Variants in SLC14A2 observed in about 807,000 individuals in gnomAD.
SLC14A2 encodes the protein urea transporter 2.
Under a neutral mutation model 104.6 loss-of-function variants are expected in SLC14A2, and 91 were observed. The ratio of observed to expected loss-of-function variants is 0.87; its 90% confidence interval spans 0.73 to 1.04. SLC14A2 has a LOEUF of 1.04. Among genes scored for constraint, SLC14A2 ranks in the 50% least tolerant of loss-of-function variants. The pLI is 0.00. For synonymous variants in SLC14A2, 476 were observed against 466.4 expected (o/e 1.02, Z -0.27); for missense variants, 1,189 against 1,156.0 (o/e 1.03, Z -0.41).
intron 2 of SLC14A2, among the ~76,000 whole-genome samples, chr18:45,605,441 G>C (rs929896878): frequency 2.6e-5 from 4 of 151,994 alleles, no homozygotes; most frequent in African/African-American, 9.7e-5. Flanking sequence ...GTTCTGCCAG[G>C]ACTTTTGACC....
intron 1 of SLC14A2, among the ~76,000 whole-genome samples, chr18:45,243,865 G>A (rs1184656454): frequency 1.3e-5 from 2 of 152,156 alleles, no homozygotes; most frequent in Admixed American, 6.5e-5. Flanking sequence ...GAAGCCTTCC[G>A]GTTTGGTTTT....
chr18:45,408,214 G>T (rs530740741), intron 1 of SLC14A2, among the ~76,000 whole-genome samples: 1 of 152,192 alleles, frequency 6.6e-6, no homozygotes, highest in African/African-American at 2.4e-5. Context: ...AATCAAGCTG[G>T]CATATGTTTT....
At chr18:45,638,083 G>A (rs185299726) in intron 6 of SLC14A2, among the ~76,000 whole-genome samples, 8 of 152,198 alleles carry the variant, frequency 5.3e-5, no homozygotes, top group East Asian at 3.9e-4. Flanking sequence ...TAAAATCTGC[G>A]TTCCCGGATG....
At chr18:45,653,466 T>C (rs1165518450) in intron 10 of SLC14A2, among the ~76,000 whole-genome samples, 4 of 151,964 alleles carry the variant, frequency 2.6e-5, no homozygotes, top group Non-Finnish European at 5.9e-5. Context: ...CACCACTGAG[T>C]GTGTGTATGT....
chr18:45,426,110 T>A (rs1056170432), intron 1 of SLC14A2, among the ~76,000 whole-genome samples: 1 of 152,038 alleles, frequency 6.6e-6, no homozygotes, highest in African/African-American at 2.4e-5. Flanking sequence ...CTCCTCCACA[T>A]CTCCCTGGCA....
chr18:45,642,653 G>A (rs958150801), intron 8 of SLC14A2, among the ~76,000 whole-genome samples: 7 of 152,230 alleles, frequency 4.6e-5, no homozygotes, highest in African/African-American at 1.7e-4. Context: ...TGGTTCAGGG[G>A]TCTAGTAAGG....
the SLC14A2 span, among the ~76,000 whole-genome samples, chr18:45,169,515 G>C: frequency 3.3e-5 from 5 of 152,146 alleles, no homozygotes; most frequent in Admixed American, 2.6e-4. Flanking sequence ...AGAGATTTTG[G>C]ATAAGGCTGT....
chr18:45,682,508 G>T lies in SLC14A2; in HGVS notation c.2752G>T (p.Asp918Tyr), dbSNP rs368161253. Reference sequence around the variant, plus strand: ...AATCATAACAAAGTATCAGGCCTACGATGTCTCCTAAGTTTCCCTGTCTAA... The same window carrying T: ...AATCATAACAAAGTATCAGGCCTACTATGTCTCCTAAGTTTCCCTGTCTAA... Reference protein sequence around the residue: ...ASIITKYQAYDVS With the variant: ...ASIITKYQAYYVS Residue 918 changes from aspartate (D) to tyrosine (Y), a missense_variant, in exon 20 of 20, where the codon GAT (aspartate) becomes TAT (tyrosine). Coordinates refer to ENST00000255226, the MANE Select transcript of SLC14A2 (RefSeq NM_007163.4). 3 of 1,613,618 alleles carry T rather than the reference G, an allele frequency of 1.9e-6. No individual in the cohort carries two copies. Among genetic ancestry groups the T allele is most frequent in the African/African-American group, 1.3e-5 (1 of 74,914 alleles).
chr18:45,421,212 A>T (rs564460889), intron 1 of SLC14A2, among the ~76,000 whole-genome samples: 1 of 151,192 alleles, frequency 6.6e-6, no homozygotes, highest in African/African-American at 2.4e-5. Flanking sequence ...ATTTTTAACT[A>T]ATCTCTTAGA....
At chr18:45,265,540 T>A (rs2084583785) in intron 1 of SLC14A2, among the ~76,000 whole-genome samples, 1 of 152,194 alleles carries the variant, frequency 6.6e-6, no homozygotes, top group Admixed American at 6.5e-5. Flanking sequence ...TTTCATTTTA[T>A]TTGGACTCTT....
chr18:45,369,559 A>G (rs1485548312), intron 1 of SLC14A2, among the ~76,000 whole-genome samples: 2 of 152,216 alleles, frequency 1.3e-5, no homozygotes, highest in Non-Finnish European at 1.5e-5. Context: ...ACTAAGATTC[A>G]TTTGATATAT....
chr18:45,616,327 T>C (rs559336537), intron 1 of SLC14A2, among the ~76,000 whole-genome samples: 49 of 152,192 alleles, frequency 3.2e-4, no homozygotes, highest in Non-Finnish European at 5.7e-4. Flanking sequence ...CATTTGACTA[T>C]TTTATAAACC....
chr18:45,337,281 G>A (rs766404628), intron 1 of SLC14A2, among the ~76,000 whole-genome samples: 3 of 152,122 alleles, frequency 2.0e-5, no homozygotes, highest in Non-Finnish European at 4.4e-5. Context: ...GACCCATGCC[G>A]ATTATTTAGT....
chr18:45,313,333 C>T (rs1160673492), intron 1 of SLC14A2, among the ~76,000 whole-genome samples: 1 of 152,154 alleles, frequency 6.6e-6, no homozygotes, highest in Admixed American at 6.5e-5. Flanking sequence ...GCTAAGTCAT[C>T]CCCACCTTCT....
chr18:45,410,297 A>G lies in SLC14A2; in HGVS notation c.-124-72936A>G, dbSNP rs149869668. Among the ~76,000 whole-genome samples the G allele has an allele frequency of 6.3e-3, 957 of 152,316 alleles. 4 individuals carry two copies. Among genetic ancestry groups the G allele is most frequent in the Non-Finnish European group, 9.3e-3 (633 of 68,022 alleles). ...AGTACCAGTCTATGACCCAGGGGTC[A>G]GGGACTCTTGTTCTAGATAACTTGT... On this transcript the variant is annotated intron_variant, in intron 1 of 20. Transcript: ENST00000586448.
intron 2 of SLC14A2, among the ~76,000 whole-genome samples, chr18:45,561,379 A>T (rs1292677519): frequency 1.3e-5 from 2 of 152,152 alleles, no homozygotes; most frequent in African/African-American, 2.4e-5. Flanking sequence ...CAAGAGAGTG[A>T]CAGCAAAACA....
intron 2 of SLC14A2, among the ~76,000 whole-genome samples, chr18:45,595,411 T>C (rs1039761460): frequency 6.6e-6 from 1 of 152,160 alleles, no homozygotes; most frequent in Non-Finnish European, 1.5e-5. Flanking sequence ...GCTGGGTTTT[T>C]TTTTTTTTAA....
chr18:45,627,884 C>T (rs763969336), intron 4 of SLC14A2, among the ~76,000 whole-genome samples: 2 of 151,688 alleles, frequency 1.3e-5, no homozygotes, highest in Non-Finnish European at 2.9e-5. Flanking sequence ...GTCGTGCATG[C>T]CTGTAATCCC....
chr18:45,440,173 AG>A (rs1189567853), intron 1 of SLC14A2, among the ~76,000 whole-genome samples: 1 of 152,166 alleles, frequency 6.6e-6, no homozygotes, highest in Non-Finnish European at 1.5e-5. Context: ...ACTTAGCCCT[AG>A]AACCTTGCTA....
Sources: allele counts gnomAD v4.1 joint callset (sites outside exome capture counted in the v4.1 genomes callset), GRCh38; gene constraint gnomAD v4.1.1; transcripts MANE v1.5; gene names NCBI Gene and HGNC (gene_info 2026-07-23, HGNC 2026-07-21).